Variants in CACNA2D3 observed in about 807,000 individuals in gnomAD.
The protein encoded by CACNA2D3 is calcium voltage-gated channel auxiliary subunit alpha2delta 3.
In CACNA2D3, 60 loss-of-function variants were observed where a neutral mutation model predicts 160.6. That is an observed-to-expected ratio of 0.37 (90% CI 0.30 to 0.46). The LOEUF is 0.46. CACNA2D3 is among the 20% of genes least tolerant of loss of function. The pLI is 1.00. For synonymous variants in CACNA2D3, 558 were observed against 492.9 expected (o/e 1.13, Z -1.75); for missense variants, 1,205 against 1,365.0 (o/e 0.88, Z 1.85).
chr3:54,736,007 GTATATATATACACATACATATATA>G (rs1701496300), intron 11 of CACNA2D3, among the ~76,000 whole-genome samples: 12 of 90,910 alleles, frequency 1.3e-4, no homozygotes, highest in Middle Eastern at 5.1e-3. Flanking sequence ...ATATATATAT[GTATATATATACACATACATATATA>G]TATGTATATA....
chr3:54,534,319 G>A (rs1245937943), intron 5 of CACNA2D3, among the ~76,000 whole-genome samples: 1 of 152,098 alleles, frequency 6.6e-6, no homozygotes, highest in Non-Finnish European at 1.5e-5. Flanking sequence ...TGTAGTTCAA[G>A]GTGGTCTTTT....
chr3:54,421,461 A>G (rs555650369), intron 4 of CACNA2D3, among the ~76,000 whole-genome samples: 125 of 152,190 alleles, frequency 8.2e-4, no homozygotes, highest in Middle Eastern at 3.4e-3. Flanking sequence ...AGCTTAATAG[A>G]CTAAAGAGGG....
At chr3:55,033,974 A>G (rs559145060) in intron 35 of CACNA2D3, among the ~76,000 whole-genome samples, 1 of 148,486 alleles carries the variant, frequency 6.7e-6, no homozygotes, top group South Asian at 2.1e-4. Context: ...TTTAATCCAG[A>G]TTGGACTTTC....
intron 2 of CACNA2D3, among the ~76,000 whole-genome samples, chr3:54,160,506 A>G (rs887155498): frequency 7.2e-5 from 11 of 152,104 alleles, no homozygotes; most frequent in African/African-American, 2.7e-4. Flanking sequence ...TCTCAAAAAA[A>G]ATAAAATAAA....
intron 27 of CACNA2D3, among the ~76,000 whole-genome samples, chr3:54,923,312 C>A: frequency 6.6e-6 from 1 of 152,134 alleles, no homozygotes; most frequent in East Asian, 1.9e-4. Context: ...TCTTGTCCCT[C>A]TTTTTGTCCT....
intron 9 of CACNA2D3, among the ~76,000 whole-genome samples, chr3:54,586,770 G>A (rs562545020): frequency 6.6e-6 from 1 of 152,158 alleles, no homozygotes; most frequent in African/African-American, 2.4e-5. Context: ...AAAACATCCT[G>A]GGTCATAGTA....
rs560139891 is a variant in CACNA2D3 at position 54,146,776 on chromosome 3, C to T, written c.204+23182C>T. Reference sequence around the variant, plus strand: ...GTCACCGTTAGGGCCCCTCCATCCCCGTTGGCTCCTGGGCCCTGTTTCCCG... The same window carrying T: ...GTCACCGTTAGGGCCCCTCCATCCCTGTTGGCTCCTGGGCCCTGTTTCCCG... On this transcript the variant is annotated intron_variant, in intron 2 of 37. Transcript: ENST00000474759. Among the ~76,000 whole-genome samples the T allele has an allele frequency of 1.0e-3, 158 of 152,338 alleles. 1 individual carries two copies. The highest frequency in any genetic ancestry group is 4.3e-3 in the South Asian group (21 of 4,830).
chr3:54,242,825 G>A (rs1166297109), intron 2 of CACNA2D3, among the ~76,000 whole-genome samples: 2 of 152,178 alleles, frequency 1.3e-5, no homozygotes, highest in African/African-American at 2.4e-5. Flanking sequence ...TGGATAAGGG[G>A]GACTACTAAG....
At chr3:54,336,503 A>G (rs1704381875) in intron 3 of CACNA2D3, among the ~76,000 whole-genome samples, 2 of 152,188 alleles carry the variant, frequency 1.3e-5, no homozygotes, top group Admixed American at 6.5e-5. Flanking sequence ...GGAGTGATGT[A>G]CCTGTGGGAG....
At chr3:54,383,695 A>T (rs1699143090) in intron 3 of CACNA2D3, among the ~76,000 whole-genome samples, 1 of 152,140 alleles carries the variant, frequency 6.6e-6, no homozygotes, top group Admixed American at 6.5e-5. Context: ...GGAGTTCCCT[A>T]TTAGAAAAAA....
chr3:55,058,715 A>G (rs1199472579), intron 35 of CACNA2D3, among the ~76,000 whole-genome samples: 1 of 152,196 alleles, frequency 6.6e-6, no homozygotes, highest in African/African-American at 2.4e-5. Flanking sequence ...ATTGAAAAAT[A>G]GAGAATTGTG....
chr3:54,819,544 T>C (rs1703537288), intron 14 of CACNA2D3, among the ~76,000 whole-genome samples: 1 of 152,126 alleles, frequency 6.6e-6, no homozygotes, highest in Non-Finnish European at 1.5e-5. Context: ...TCCCCCCATT[T>C]CATTAGAAAC....
chr3:54,768,165 G>A (rs1395012314), intron 13 of CACNA2D3, among the ~76,000 whole-genome samples: 1 of 152,128 alleles, frequency 6.6e-6, no homozygotes, highest in Non-Finnish European at 1.5e-5. Flanking sequence ...TAGTCTTGAG[G>A]GGGAAAAAGT....
At chr3:54,652,869 G>A (rs111332943) in intron 11 of CACNA2D3, among the ~76,000 whole-genome samples, 3,662 of 144,044 alleles carry the variant, frequency 0.025, 156 homozygotes, top group African/African-American at 0.086. Flanking sequence ...TGTAACCTCC[G>A]CCTCCTGGAT....
chr3:54,749,917 A>T (rs1322063411), intron 11 of CACNA2D3, among the ~76,000 whole-genome samples: 1 of 152,188 alleles, frequency 6.6e-6, no homozygotes, highest in African/African-American at 2.4e-5. Context: ...GACCCAGGGG[A>T]TGGTGCTGAT....
At chr3:54,505,068 C>G (rs1437767066) in intron 5 of CACNA2D3, among the ~76,000 whole-genome samples, 2 of 152,154 alleles carry the variant, frequency 1.3e-5, no homozygotes, top group Admixed American at 1.3e-4. Context: ...AAACATTTTT[C>G]TTACGCGTGT....
intron 4 of CACNA2D3, among the ~76,000 whole-genome samples, chr3:54,471,420 A>T (rs1043285941): frequency 6.6e-6 from 1 of 152,238 alleles, no homozygotes; most frequent in African/African-American, 2.4e-5. Context: ...AGGGAAATTT[A>T]TAGCACTAAA....
At chr3:54,878,093 T>C (rs904316300) in intron 18 of CACNA2D3, among the ~76,000 whole-genome samples, 1 of 152,114 alleles carries the variant, frequency 6.6e-6, no homozygotes, top group African/African-American at 2.4e-5. Flanking sequence ...CAAACCCAAA[T>C]CTAGACAGCC....
chr3:54,468,412 T>G (rs193297995), intron 4 of CACNA2D3, among the ~76,000 whole-genome samples: 50 of 152,316 alleles, frequency 3.3e-4, no homozygotes, highest in Admixed American at 6.5e-4. Context: ...GATACTATGC[T>G]TTTCCCACAG....
Sources: allele counts gnomAD v4.1 joint callset (sites outside exome capture counted in the v4.1 genomes callset), GRCh38; gene constraint gnomAD v4.1.1; transcripts MANE v1.5; gene names NCBI Gene and HGNC (gene_info 2026-07-23, HGNC 2026-07-21).